The following STAM variants were observed in gnomAD, a reference collection of about 807,000 sequenced individuals.
STAM encodes signal transducing adapter molecule 1.
Under a neutral mutation model 63.4 loss-of-function variants are expected in STAM, and 16 were observed. The observed-to-expected ratio is 0.25, with a 90% CI of 0.17 to 0.38. The LOEUF (loss-of-function observed/expected upper bound fraction) is 0.38, where lower values mean the gene tolerates loss of function less well. Ranked by LOEUF, STAM falls within the 10% of genes least tolerant of loss-of-function variation. STAM has a pLI of 1.00. For synonymous variants in STAM, 238 were observed against 223.9 expected, an observed-to-expected ratio of 1.06 and a Z score of -0.56; for missense variants, 636 against 657.1, an observed-to-expected ratio of 0.97 and a Z score of 0.35.
At chr10:17,699,512 G>T (rs1285567541) in intron 8 of STAM, among the ~76,000 whole-genome samples, 2 of 152,174 alleles carry the variant, frequency 1.3e-5, no homozygotes, top group Non-Finnish European at 2.9e-5. Flanking sequence ...GCTTTGGTGA[G>T]TAGGAGAAAT....
At chr10:17,682,992 T>TA (rs370155309) in intron 2 of STAM, among the ~76,000 whole-genome samples, 4 of 152,362 alleles carry the variant, frequency 2.6e-5, no homozygotes, top group African/African-American at 9.6e-5. Context: ...TCTCTCTTTA[T>TA]CCCTGTTAGT....
intron 7 of STAM, chr10:17,696,192 A>G (rs1378265158): frequency 5.9e-5 from 9 of 151,872 alleles, no homozygotes; most frequent in Non-Finnish European, 7.4e-5. Context: ...GGAAGAAAAT[A>G]AAGTTTGAGC....
Position 17,704,651 on chromosome 10 carries a change from C to G in STAM, c.1000+133C>G, listed in dbSNP as rs1290893184. The G allele has an allele frequency of 3.9e-6, 3 of 762,238 alleles. No individual in the cohort carries two copies. In the African/African-American group the frequency reaches 5.3e-5, roughly 13 times the overall value. 47.2% of individuals were successfully genotyped at this position (762,238 alleles called of 1,614,324 possible). On this transcript the variant is annotated intron_variant, in intron 10 of 13. Transcript: ENST00000377524. ...CACTTCTCCTTGACCCAGGCTCACTCTCATATGCAGTTGAAACCTTGGGTA... is the reference window on the plus strand; with the variant it reads ...CACTTCTCCTTGACCCAGGCTCACTGTCATATGCAGTTGAAACCTTGGGTA...
chr10:17,675,011 T>C (rs1467958820), intron 2 of STAM, among the ~76,000 whole-genome samples: 1 of 152,200 alleles, frequency 6.6e-6, no homozygotes, highest in African/African-American at 2.4e-5. Flanking sequence ...ACTTTTGACA[T>C]GGAAAAAATT....
chr10:17,691,054 A>G (rs1037515039), intron 5 of STAM, among the ~76,000 whole-genome samples: 6 of 152,362 alleles, frequency 3.9e-5, no homozygotes, highest in Non-Finnish European at 2.9e-5. Flanking sequence ...ACAAAAATTT[A>G]TGTAAACCGT....
chr10:17,656,520 A>G (rs1472774980), intron 1 of STAM, among the ~76,000 whole-genome samples: 2 of 152,156 alleles, frequency 1.3e-5, no homozygotes, highest in South Asian at 2.1e-4. Context: ...TTGGGCTGAC[A>G]TAGAGCCCCC....
At chr10:17,663,909 A>G (rs61842290) in intron 2 of STAM, among the ~76,000 whole-genome samples, 3,707 of 152,136 alleles carry the variant, frequency 0.024, 47 homozygotes, top group Middle Eastern at 0.027. Flanking sequence ...TAAGGGTCAT[A>G]TTAGGACATT....
Position 17,702,212 on chromosome 10 carries a change from C to T in STAM, c.912+1933C>T, listed in dbSNP as rs545541253. The stretch of plus-strand genomic sequence containing the variant: ...TGCATATTAATAATAATAATCATTA[C>T]CTTATACATATGAATGAATCTAATA... On this transcript the variant is annotated intron_variant, in intron 9 of 13. Coordinates refer to ENST00000377524, the MANE Select transcript of STAM (RefSeq NM_003473.4). Among the ~76,000 whole-genome samples, 19 of 152,082 alleles carry T rather than the reference C, an allele frequency of 1.2e-4. No homozygotes were observed. In the South Asian group the frequency reaches 3.9e-3, roughly 32 times the overall value.
intron 2 of STAM, among the ~76,000 whole-genome samples, chr10:17,671,301 T>G (rs1834630821): frequency 6.6e-6 from 1 of 152,234 alleles, no homozygotes; most frequent in Non-Finnish European, 1.5e-5. Context: ...CTAAAATAAC[T>G]TTGAAAGCTA....
chr10:17,713,903 C>T (rs1417426050), intron 13 of STAM, among the ~76,000 whole-genome samples: 27 of 152,026 alleles, frequency 1.8e-4, no homozygotes, highest in Admixed American at 1.8e-3. Flanking sequence ...GTGTGTTCTC[C>T]AGCCCCCTCC....
chr10:17,668,173 G>T (rs1834475788), intron 2 of STAM, among the ~76,000 whole-genome samples: 1 of 152,186 alleles, frequency 6.6e-6, no homozygotes, highest in South Asian at 2.1e-4. Context: ...CAGTGATCCA[G>T]TAGCTAAAAT....
At chr10:17,678,147 G>A (rs782727769) in intron 2 of STAM, among the ~76,000 whole-genome samples, 1 of 152,030 alleles carries the variant, frequency 6.6e-6, no homozygotes, top group Non-Finnish European at 1.5e-5. Context: ...CCTCATTCCT[G>A]GAAACCACTA....
At chr10:17,665,809 A>G (rs149129166) in intron 2 of STAM, among the ~76,000 whole-genome samples, 1 of 152,034 alleles carries the variant, frequency 6.6e-6, no homozygotes, top group East Asian at 1.9e-4. Context: ...ATTATACCAA[A>G]CCTAAAACTT....
At chr10:17,699,205 A>G (rs1204717574) in intron 8 of STAM, among the ~76,000 whole-genome samples, 1 of 152,196 alleles carries the variant, frequency 6.6e-6, no homozygotes, top group Non-Finnish European at 1.5e-5. Flanking sequence ...ATCTTTCCAA[A>G]CTACCTTATT....
At chr10:17,648,513 C>T (rs1382104718) in intron 1 of STAM, among the ~76,000 whole-genome samples, 1 of 152,220 alleles carries the variant, frequency 6.6e-6, no homozygotes, top group African/African-American at 2.4e-5. Flanking sequence ...GTGCTGCTCA[C>T]TCTTTGGGTC....
intron 7 of STAM, chr10:17,695,902 A>G (rs1204557476): frequency 6.6e-6 from 1 of 152,190 alleles, no homozygotes; most frequent in South Asian, 2.1e-4. Flanking sequence ...TGGTTTATAA[A>G]CAACAGGAAT....
Position 17,655,199 on chromosome 10 carries a change from A to T in STAM, c.41-5265A>T, listed in dbSNP as rs1833890020. ...CTGCTGGTTTCATTTCCTTTCTTAG[A>T]TTGTAAGCTACTTCTGGTAGGGTAT... On this transcript the variant is annotated intron_variant, in intron 1 of 13. Transcript: ENST00000377524. Among the ~76,000 whole-genome samples, 2 of 151,978 alleles carry T rather than the reference A, an allele frequency of 1.3e-5. 1 individual carries two copies. Among genetic ancestry groups the T allele is most frequent in the South Asian group, 4.1e-4 (2 of 4,822 alleles).
intron 1 of STAM, among the ~76,000 whole-genome samples, chr10:17,659,790 A>G (rs1448974674): frequency 1.3e-5 from 2 of 152,002 alleles, no homozygotes; most frequent in African/African-American, 4.8e-5. Context: ...CTTTATGTAG[A>G]TACAAGTTTC....
chr10:17,683,110 T>C (rs537804340), intron 2 of STAM, among the ~76,000 whole-genome samples: 1 of 152,326 alleles, frequency 6.6e-6, no homozygotes, highest in African/African-American at 2.4e-5. Context: ...TCTTCTGTTT[T>C]CTCTTTCTGT....
Sources: gnomAD v4.1 joint callset for allele counts (sites outside exome capture counted in the v4.1 genomes callset) on GRCh38, gnomAD v4.1.1 for gene constraint, MANE v1.5 for transcripts, NCBI Gene and HGNC (gene_info 2026-07-23, HGNC 2026-07-21) for gene names.